The following GALNT13 variants were observed in gnomAD, a reference collection of about 807,000 sequenced individuals.
GALNT13 encodes UDP-GalNAc:polypeptide N-acetylgalactosaminyltransferase 13.
Under a neutral mutation model 64.2 loss-of-function variants are expected in GALNT13, and 28 were observed. That is an observed-to-expected ratio of 0.44 (90% CI 0.32 to 0.60). The LOEUF is 0.60. Among genes scored for constraint, GALNT13 ranks in the 20% least tolerant of loss-of-function variants. The pLI, the probability that GALNT13 is intolerant of heterozygous loss-of-function variation, is 0.05. For missense variants in GALNT13, 577 were observed against 669.8 expected, an observed-to-expected ratio of 0.86 and a Z score of 1.53; for synonymous variants, 214 against 224.6, an observed-to-expected ratio of 0.95 and a Z score of 0.42.
At chr2:153,448,265 G>T in the GALNT13 span, among the ~76,000 whole-genome samples, 1 of 152,082 alleles carries the variant, frequency 6.6e-6, no homozygotes, top group Non-Finnish European at 1.5e-5. Flanking sequence ...AACACTGCCC[G>T]CAATGTGAGT....
the GALNT13 span, among the ~76,000 whole-genome samples, chr2:153,517,889 G>A: frequency 1.3e-5 from 2 of 152,036 alleles, no homozygotes; most frequent in African/African-American, 4.8e-5. Flanking sequence ...ATTTGCAGTG[G>A]AATAACCAAA....
chr2:154,173,659 G>A (rs1171388213), intron 4 of GALNT13, among the ~76,000 whole-genome samples: 1 of 151,804 alleles, frequency 6.6e-6, no homozygotes, highest in Non-Finnish European at 1.5e-5. Flanking sequence ...ATCTGACAAG[G>A]AATTAATAAC....
the GALNT13 span, among the ~76,000 whole-genome samples, chr2:153,592,618 C>T: frequency 1.3e-5 from 2 of 152,134 alleles, no homozygotes; most frequent in Admixed American, 1.3e-4. Flanking sequence ...CCTATGTTCT[C>T]ACTCATAAAT....
intron 4 of GALNT13, among the ~76,000 whole-genome samples, chr2:154,177,686 T>C (rs1485149750): frequency 6.6e-6 from 1 of 152,114 alleles, no homozygotes; most frequent in African/African-American, 2.4e-5. Flanking sequence ...AAAGGGAATA[T>C]ATGGGAATGC....
At chr2:153,403,634 G>A in the GALNT13 span, among the ~76,000 whole-genome samples, 5 of 152,186 alleles carry the variant, frequency 3.3e-5, no homozygotes, top group South Asian at 8.3e-4. Flanking sequence ...CTTGTGATGC[G>A]CCGTTTTTCA....
chr2:154,404,640 C>T (rs752128824), intron 10 of GALNT13, among the ~76,000 whole-genome samples: 8 of 152,070 alleles, frequency 5.3e-5, no homozygotes, highest in Non-Finnish European at 1.5e-5. Context: ...AGAAAAAAAA[C>T]TCCTCTCTAA....
At chr2:153,859,570 A>G in the GALNT13 span, among the ~76,000 whole-genome samples, 1 of 152,220 alleles carries the variant, frequency 6.6e-6, no homozygotes, top group Non-Finnish European at 1.5e-5. Flanking sequence ...AGAAAAGACA[A>G]AGAGGAAACA....
At chr2:153,683,160 C>T in the GALNT13 span, among the ~76,000 whole-genome samples, 1 of 151,648 alleles carries the variant, frequency 6.6e-6, no homozygotes, top group Non-Finnish European at 1.5e-5. Flanking sequence ...GCTCTGATGT[C>T]AGAAAAACTT....
chr2:154,087,286 A>T (rs531337254), intron 3 of GALNT13, among the ~76,000 whole-genome samples: 1 of 152,186 alleles, frequency 6.6e-6, no homozygotes, highest in Non-Finnish European at 1.5e-5. Flanking sequence ...ACCTTAGGTA[A>T]ACAGTATGGT....
At chr2:154,146,839 G>A (rs1030857439) in intron 4 of GALNT13, among the ~76,000 whole-genome samples, 18 of 151,916 alleles carry the variant, frequency 1.2e-4, no homozygotes, top group South Asian at 4.1e-4. Context: ...CTTTTCCTTT[G>A]TCTTGCCACT....
At chr2:154,050,446 G>A (rs1699537653) in intron 3 of GALNT13, among the ~76,000 whole-genome samples, 1 of 152,196 alleles carries the variant, frequency 6.6e-6, no homozygotes, top group South Asian at 2.1e-4. Context: ...ATGAACTTGA[G>A]GTTTCTTATT....
chr2:153,136,745 C>T, the GALNT13 span, among the ~76,000 whole-genome samples: 698 of 152,014 alleles, frequency 4.6e-3, 1 homozygote, highest in African/African-American at 0.016. Context: ...GTATTTTTGG[C>T]TGTTTCAAAT....
chr2:153,841,782 T>C, the GALNT13 span, among the ~76,000 whole-genome samples: 2 of 152,198 alleles, frequency 1.3e-5, no homozygotes, highest in Non-Finnish European at 2.9e-5. Flanking sequence ...AGTATAAAAT[T>C]ATTATAAGGT....
At chr2:153,505,228 T>G in the GALNT13 span, among the ~76,000 whole-genome samples, 1 of 152,184 alleles carries the variant, frequency 6.6e-6, no homozygotes, top group Non-Finnish European at 1.5e-5. Context: ...TATATCCCAT[T>G]TCATTTCTAA....
At chr2:153,881,806 T>C (rs550571678) in intron 1 of GALNT13, among the ~76,000 whole-genome samples, 13 of 152,254 alleles carry the variant, frequency 8.5e-5, no homozygotes, top group African/African-American at 2.9e-4. Flanking sequence ...ATTTCAAACA[T>C]GAAATCAGTA....
At chr2:153,248,743 G>T in the GALNT13 span, among the ~76,000 whole-genome samples, 1 of 145,990 alleles carries the variant, frequency 6.8e-6, no homozygotes, top group Non-Finnish European at 1.5e-5. Flanking sequence ...GTGAACCCAG[G>T]AAGCGGAGCT....
At chr2:153,356,868 G>A in the GALNT13 span, among the ~76,000 whole-genome samples, 3 of 141,666 alleles carry the variant, frequency 2.1e-5, no homozygotes, top group Non-Finnish European at 3.0e-5. Flanking sequence ...TGTGATCTCG[G>A]CTCACTGCAC....
At chr2:153,719,971 G>A in the GALNT13 span, among the ~76,000 whole-genome samples, 1 of 152,000 alleles carries the variant, frequency 6.6e-6, no homozygotes, top group South Asian at 2.1e-4. Context: ...AGCTCAAGGA[G>A]GCCTGCCTGC....
chr2:153,944,352 A>G (rs1298208474), intron 2 of GALNT13, 42 bp from the exon 3 acceptor site: 3 of 627,444 alleles, frequency 4.8e-6, no homozygotes, highest in Non-Finnish European at 8.2e-6. Context: ...CCAAAAATCT[A>G]TGTGTACAAT....
Sources: allele counts gnomAD v4.1 joint callset (sites outside exome capture counted in the v4.1 genomes callset), GRCh38; gene constraint gnomAD v4.1.1; transcripts MANE v1.5; gene names NCBI Gene and HGNC (gene_info 2026-07-23, HGNC 2026-07-21).